VDAC1: variants seen among roughly 807,000 people sequenced by gnomAD.
The protein encoded by VDAC1 is voltage dependent anion channel 1.
A neutral mutation model predicts 34.7 loss-of-function variants in VDAC1; 10 were observed. The ratio of observed to expected loss-of-function variants is 0.29; its 90% confidence interval spans 0.18 to 0.49. The LOEUF (loss-of-function observed/expected upper bound fraction) is 0.49, where lower values mean the gene tolerates loss of function less well. Among genes scored for constraint, VDAC1 ranks in the 20% least tolerant of loss-of-function variants. The pLI is 0.99. For missense variants in VDAC1, 230 were observed against 347.9 expected (o/e 0.66, Z 2.69); for synonymous variants, 130 against 136.0 (o/e 0.96, Z 0.30).
intron 1 of VDAC1, among the ~76,000 whole-genome samples, chr5:133,999,887 A>G (rs547449823): frequency 6.6e-6 from 1 of 152,252 alleles, no homozygotes; most frequent in South Asian, 2.1e-4. Context: ...GTACTATGGA[A>G]AAGTCTCTGG....
At chr5:133,986,343 C>T (rs1752903875) in intron 5 of VDAC1, among the ~76,000 whole-genome samples, 1 of 152,144 alleles carries the variant, frequency 6.6e-6, no homozygotes, top group Admixed American at 6.6e-5. Flanking sequence ...GATGCACCAC[C>T]AGAACTTTCC....
chr5:134,079,553 A>T, the VDAC1 span, among the ~76,000 whole-genome samples: 3 of 152,154 alleles, frequency 2.0e-5, no homozygotes, highest in African/African-American at 7.2e-5. Context: ...GAGCAGGTGG[A>T]GGTGATATTT....
At chr5:134,041,248 G>C in the VDAC1 span, among the ~76,000 whole-genome samples, 1 of 152,180 alleles carries the variant, frequency 6.6e-6, no homozygotes, top group Non-Finnish European at 1.5e-5. Flanking sequence ...TTGCTCAGGG[G>C]ACTTCTTTCT....
chr5:133,998,726 T>C (rs766253891), intron 1 of VDAC1, among the ~76,000 whole-genome samples: 2 of 152,168 alleles, frequency 1.3e-5, no homozygotes, highest in Non-Finnish European at 2.9e-5. Context: ...CGGGGCACAT[T>C]TCACTCCCAG....
the VDAC1 span, among the ~76,000 whole-genome samples, chr5:134,064,041 T>C: frequency 9.3e-5 from 14 of 150,934 alleles, no homozygotes; most frequent in East Asian, 2.3e-3. Flanking sequence ...TCTCCCTATG[T>C]TGCCCAGGCT....
the VDAC1 span, among the ~76,000 whole-genome samples, chr5:134,023,389 G>A: frequency 6.6e-6 from 1 of 150,536 alleles, no homozygotes; most frequent in African/African-American, 2.4e-5. Context: ...AAACCTGGAT[G>A]ACATGTTGAT....
chr5:133,973,280 C>A (rs1206222196), intron 8 of VDAC1, among the ~76,000 whole-genome samples: 4 of 152,320 alleles, frequency 2.6e-5, no homozygotes, highest in South Asian at 4.1e-4. Context: ...TGTACATCCA[C>A]AGATGCACAC....
the VDAC1 span, among the ~76,000 whole-genome samples, chr5:134,091,628 G>T: frequency 6.6e-6 from 1 of 152,136 alleles, no homozygotes; most frequent in Non-Finnish European, 1.5e-5. Flanking sequence ...GCAGACACAT[G>T]AGCTCTTGCT....
At chr5:134,096,364 T>C in the VDAC1 span, among the ~76,000 whole-genome samples, 1 of 152,198 alleles carries the variant, frequency 6.6e-6, no homozygotes, top group African/African-American at 2.4e-5. Flanking sequence ...AAAGATTGCC[T>C]CTGCCCCCAG....
At chr5:134,089,074 C>T in the VDAC1 span, among the ~76,000 whole-genome samples, 2 of 152,226 alleles carry the variant, frequency 1.3e-5, no homozygotes, top group Non-Finnish European at 2.9e-5. Context: ...TCCTGCCTTG[C>T]CTGCACCAGC....
chr5:133,980,271 A>G (rs1293162099), intron 6 of VDAC1, among the ~76,000 whole-genome samples: 4 of 152,204 alleles, frequency 2.6e-5, no homozygotes. Context: ...TTACTTTTAC[A>G]TGCTTCACTG....
chr5:133,980,825 C>G lies in VDAC1; in HGVS notation c.455G>C (p.Gly152Ala), dbSNP rs762412484. 1 of 1,613,364 alleles carries G rather than the reference C, an allele frequency of 6.2e-7. No individual in the cohort carries two copies. The highest frequency in any genetic ancestry group is 1.1e-5 in the South Asian group (1 of 91,040). Residue 152 changes from glycine (G) to alanine (A), a missense_variant, in exon 6 of 9, where the codon GGC becomes GCC. Transcript: ENST00000265333. ...TGCAGTCTCAAAATTCATCTGGTAG[C>G]CGGCCAGCCAGCCCTCGTAACCTAG... ...LVLGYEGWLA[G>A]YQMNFETAKS...
the VDAC1 span, among the ~76,000 whole-genome samples, chr5:134,032,239 T>G: frequency 6.6e-6 from 1 of 151,322 alleles, no homozygotes. Context: ...AGGAAACAGA[T>G]TCTCTCCTAG....
At chr5:134,087,178 T>C in the VDAC1 span, among the ~76,000 whole-genome samples, 1 of 152,154 alleles carries the variant, frequency 6.6e-6, no homozygotes, top group Non-Finnish European at 1.5e-5. Context: ...CTTGTGGTTG[T>C]GGGTGCCGTT....
the VDAC1 span, among the ~76,000 whole-genome samples, chr5:134,096,701 C>A: frequency 6.6e-6 from 1 of 152,050 alleles, no homozygotes; most frequent in African/African-American, 2.4e-5. Context: ...TCAAGTGATC[C>A]TCCCACCTCA....
At chr5:134,028,053 G>A in the VDAC1 span, among the ~76,000 whole-genome samples, 1 of 151,500 alleles carries the variant, frequency 6.6e-6, no homozygotes, top group Non-Finnish European at 1.5e-5. Context: ...TTACAGGCAT[G>A]AGCCACTGTG....
At chr5:134,050,250 A>T in the VDAC1 span, among the ~76,000 whole-genome samples, 13 of 152,354 alleles carry the variant, frequency 8.5e-5, no homozygotes, top group Non-Finnish European at 1.6e-4. Flanking sequence ...TCCGTCTAAA[A>T]GAAAATAAAT....
the VDAC1 span, among the ~76,000 whole-genome samples, chr5:134,035,920 C>T: frequency 2.7e-5 from 4 of 150,420 alleles, no homozygotes; most frequent in East Asian, 7.8e-4. Flanking sequence ...GCAGGAGAAT[C>T]GCTTGGACCC....
rs144006807 is a variant in VDAC1, at chr5:133,983,500, G to C, written c.324-2544C>G. 7.0e-3 allele frequency among the ~76,000 whole-genome samples: 1,061 copies of C among 151,936 alleles called. 13 individuals carry two copies. Among genetic ancestry groups the C allele is most frequent in the African/African-American group, 0.022 (903 of 41,436 alleles). On this transcript the variant is annotated intron_variant, in intron 5 of 8. Coordinates refer to ENST00000265333, the MANE Select transcript of VDAC1 (RefSeq NM_003374.3). ...AAGCTGTGTGATAGGAATAGAATGAGGGTTAAACATATTTTTCTGTATATT... is the reference window on the plus strand; with the variant it reads ...AAGCTGTGTGATAGGAATAGAATGACGGTTAAACATATTTTTCTGTATATT...
Sources: gnomAD v4.1 joint callset for allele counts (sites outside exome capture counted in the v4.1 genomes callset) on GRCh38, gnomAD v4.1.1 for gene constraint, MANE v1.5 for transcripts, NCBI Gene and HGNC (gene_info 2026-07-23, HGNC 2026-07-21) for gene names.